Variants in RPA3 observed in about 807,000 individuals in gnomAD.
RPA3 encodes replication protein A 14 kDa subunit.
In RPA3, 24 loss-of-function variants were observed where a neutral mutation model predicts 13.7. The observed-to-expected ratio is 1.75, with a 90% CI of 1.27 to 2.46. The LOEUF is 2.46. RPA3 is among the 30% of genes most tolerant of loss of function. RPA3 has a pLI of 0.00. For missense variants in RPA3, 183 were observed against 151.0 expected, an observed-to-expected ratio of 1.21 and a Z score of -1.11; for synonymous variants, 59 against 51.2, an observed-to-expected ratio of 1.15 and a Z score of -0.65.
chr7:7,658,552 G>GC (rs1402979854), intron 4 of RPA3, among the ~76,000 whole-genome samples: 3 of 152,266 alleles, frequency 2.0e-5, no homozygotes, highest in Admixed American at 1.3e-4. Context: ...GGCCTTTTCT[G>GC]CATCTATTGA....
At chr7:7,660,589 G>A (rs1362538593) in intron 4 of RPA3, among the ~76,000 whole-genome samples, 2 of 152,192 alleles carry the variant, frequency 1.3e-5, no homozygotes, top group African/African-American at 4.8e-5. Flanking sequence ...ATGAAATTCT[G>A]TGTTGAAACT....
At chr7:7,638,730 A>G (rs1171284961) in intron 6 of RPA3, 1 of 177,982 alleles carries the variant, frequency 5.6e-6, no homozygotes, top group Non-Finnish European at 1.2e-5. Context: ...CCCTGTCTCA[A>G]AACAAAAAAA....
intron 2 of RPA3, among the ~76,000 whole-genome samples, chr7:7,694,009 A>AG (rs1780243446): frequency 6.6e-6 from 1 of 152,096 alleles, no homozygotes; most frequent in Admixed American, 6.5e-5. Flanking sequence ...TGCTTTGTTG[A>AG]TATAAGGCAA....
At chr7:7,678,227 T>G (rs929076246) in intron 4 of RPA3, among the ~76,000 whole-genome samples, 9 of 149,684 alleles carry the variant, frequency 6.0e-5, no homozygotes, top group African/African-American at 2.2e-4. Context: ...GTCCCTTTTC[T>G]ACACATCCTT....
intron 4 of RPA3, among the ~76,000 whole-genome samples, chr7:7,664,883 C>G (rs1779398802): frequency 6.6e-6 from 1 of 152,144 alleles, no homozygotes. Flanking sequence ...TTTGCATAAT[C>G]ATGCATTTCA....
chr7:7,652,897 G>C (rs1385609278), intron 4 of RPA3, among the ~76,000 whole-genome samples: 1 of 152,118 alleles, frequency 6.6e-6, no homozygotes, highest in Non-Finnish European at 1.5e-5. Context: ...GAATGTGATG[G>C]CTTCTATTTT....
In RPA3 at chr7:7,656,978, T is replaced by C. The variant is rs548924142; in HGVS notation, c.-757-15803A>G. On this transcript the variant is annotated intron_variant, in intron 4 of 7. Coordinates refer to ENST00000223129, the MANE Select transcript of RPA3 (RefSeq NM_002947.5). ...TTCTACACATCCTCTCCAGCATCTG[T>C]TGTTTCCTGACTTTTTAATGATCAC... is the stretch of plus-strand genomic sequence containing the variant. Among the ~76,000 whole-genome samples the C allele has an allele frequency of 2.0e-5, 3 of 152,332 alleles. No individual in the cohort carries two copies. The South Asian group carries it at 6.2e-4, about 32-fold the overall frequency.
chr7:7,643,722 AAAAC>A (rs1231203583), intron 4 of RPA3, among the ~76,000 whole-genome samples: 2 of 5,496 alleles, frequency 3.6e-4, no homozygotes, highest in East Asian at 0.01. Context: ...AAAAAAAAAA[AAAAC>A]AAACAAACGA....
chr7:7,692,481 A>G (rs1309730074), intron 2 of RPA3: 2 of 152,244 alleles, frequency 1.3e-5, no homozygotes, highest in African/African-American at 4.8e-5. Context: ...GGAAATTTAT[A>G]TTCATACAGT....
At chr7:7,642,475 T>C (rs2115541799) in intron 4 of RPA3, among the ~76,000 whole-genome samples, 1 of 152,160 alleles carries the variant, frequency 6.6e-6, no homozygotes, top group South Asian at 2.1e-4. Context: ...AGTGATTTTT[T>C]TTTTTTTTAA....
chr7:7,705,221 A>G (rs1019194532), intron 2 of RPA3, among the ~76,000 whole-genome samples: 1 of 152,302 alleles, frequency 6.6e-6, no homozygotes, highest in South Asian at 2.1e-4. Context: ...AACTTCCAAG[A>G]TGATTGTAAC....
intron 2 of RPA3, among the ~76,000 whole-genome samples, chr7:7,691,213 T>C (rs573549434): frequency 1.3e-5 from 2 of 152,320 alleles, no homozygotes; most frequent in African/African-American, 4.8e-5. Flanking sequence ...AGAGCCACCA[T>C]TAATTTTCAA....
chr7:7,704,233 CCTTT>C (rs1780538580), intron 2 of RPA3, among the ~76,000 whole-genome samples: 1 of 152,044 alleles, frequency 6.6e-6, no homozygotes, highest in African/African-American at 2.4e-5. Context: ...CTTTTTACTA[CCTTT>C]CTTTTTGTTT....
chr7:7,663,775 G>A (rs988238643), intron 4 of RPA3, among the ~76,000 whole-genome samples: 9 of 152,242 alleles, frequency 5.9e-5, no homozygotes, highest in South Asian at 2.1e-4. Context: ...GGGCAATAAC[G>A]AATGCATTTT....
intron 4 of RPA3, among the ~76,000 whole-genome samples, chr7:7,661,009 GT>G (rs140344078): frequency 0.87 from 130,916 of 150,688 alleles, 57,047 homozygotes; most frequent in African/African-American, 0.96. Context: ...CCTTTTGATT[GT>G]TTTTTTTTTG....
intron 4 of RPA3, among the ~76,000 whole-genome samples, chr7:7,656,753 T>G (rs1358709491): frequency 2.0e-5 from 3 of 152,250 alleles, no homozygotes; most frequent in Non-Finnish European, 2.9e-5. Flanking sequence ...TCTGCTGTTG[T>G]GAACAGTGCT....
intron 2 of RPA3, among the ~76,000 whole-genome samples, chr7:7,693,174 C>T (rs1398377217): frequency 6.6e-6 from 1 of 152,118 alleles, no homozygotes; most frequent in Non-Finnish European, 1.5e-5. Context: ...AGCTGTAGTT[C>T]TTCTAAAAGC....
At chr7:7,698,275 A>G (rs1222107492) in intron 2 of RPA3, among the ~76,000 whole-genome samples, 1 of 152,224 alleles carries the variant, frequency 6.6e-6, no homozygotes, top group Non-Finnish European at 1.5e-5. Flanking sequence ...ATTGCAAAAT[A>G]TAACAGTTCC....
intron 4 of RPA3, among the ~76,000 whole-genome samples, 190 bp downstream of exon 4, chr7:7,685,640 A>T (rs144277454): frequency 6.6e-6 from 1 of 152,260 alleles, no homozygotes; most frequent in African/African-American, 2.4e-5. Context: ...ATTTCTAAAA[A>T]ATTTAAGTGT....
Sources: gnomAD v4.1 joint callset for allele counts (sites outside exome capture counted in the v4.1 genomes callset) on GRCh38, gnomAD v4.1.1 for gene constraint, MANE v1.5 for transcripts, NCBI Gene and HGNC (gene_info 2026-07-23, HGNC 2026-07-21) for gene names.